Variants in KCNIP4 observed in about 807,000 individuals in gnomAD.
KCNIP4 encodes the protein potassium voltage-gated channel interacting protein 4, also known as Kv channel-interacting protein 4.
In KCNIP4, 12 loss-of-function variants were observed where a neutral mutation model predicts 34.0. The ratio of observed to expected loss-of-function variants is 0.35; its 90% CI spans 0.23 to 0.57. The LOEUF (loss-of-function observed/expected upper bound fraction) is 0.57. Among genes scored for constraint, KCNIP4 ranks in the 20% least tolerant of loss-of-function variants. The probability of loss-of-function intolerance (pLI) is 0.83; values close to 1 mark genes in which losing one functional copy is unlikely to be tolerated. For missense variants in KCNIP4, 238 were observed against 311.7 expected (o/e 0.76, Z 1.78); for synonymous variants, 124 against 102.2 (o/e 1.21, Z -1.29).
chr4:21,354,202 T>C (rs1389864206), intron 1 of KCNIP4, among the ~76,000 whole-genome samples: 1 of 152,010 alleles, frequency 6.6e-6, no homozygotes, highest in East Asian at 1.9e-4. Context: ...ACATGCCAAA[T>C]TGTAAAGACC....
At chr4:21,031,405 A>C (rs956821148) in intron 1 of KCNIP4, among the ~76,000 whole-genome samples, 1 of 152,194 alleles carries the variant, frequency 6.6e-6, no homozygotes, top group African/African-American at 2.4e-5. Context: ...AATCACAGTG[A>C]GTGGCAAAAC....
chr4:21,621,219 A>C (rs950743850), intron 1 of KCNIP4, among the ~76,000 whole-genome samples: 1 of 152,190 alleles, frequency 6.6e-6, no homozygotes, highest in Non-Finnish European at 1.5e-5. Flanking sequence ...GTCAAATAGT[A>C]TATGTTCACA....
intron 1 of KCNIP4, among the ~76,000 whole-genome samples, chr4:21,100,709 C>G (rs1747857675): frequency 6.6e-6 from 1 of 152,024 alleles, no homozygotes; most frequent in African/African-American, 2.4e-5. Context: ...ATTTTTTTGG[C>G]AATCAAGTAT....
chr4:20,741,922 T>A (rs1018860862), intron 5 of KCNIP4, among the ~76,000 whole-genome samples: 9 of 152,106 alleles, frequency 5.9e-5, no homozygotes, highest in Non-Finnish European at 1.2e-4. Context: ...CAAACTACCA[T>A]CAGAGAATAC....
intron 1 of KCNIP4, among the ~76,000 whole-genome samples, chr4:21,657,946 T>C (rs765980928): frequency 6.6e-6 from 1 of 151,962 alleles, no homozygotes; most frequent in Non-Finnish European, 1.5e-5. Context: ...TTCAAGCAAT[T>C]CTCCTGCCTC....
At chr4:21,355,276 G>A (rs181224445) in intron 1 of KCNIP4, among the ~76,000 whole-genome samples, 1 of 152,184 alleles carries the variant, frequency 6.6e-6, no homozygotes, top group Non-Finnish European at 1.5e-5. Context: ...TCAAAAGCTA[G>A]CAGAAGGCAA....
chr4:21,735,172 C>A (rs1422691797), intron 1 of KCNIP4, among the ~76,000 whole-genome samples: 2 of 151,638 alleles, frequency 1.3e-5, no homozygotes, highest in Non-Finnish European at 2.9e-5. Context: ...TTGATAAGAG[C>A]CATAATGGGG....
intron 1 of KCNIP4, among the ~76,000 whole-genome samples, chr4:21,567,036 T>G (rs1440668340): frequency 1.3e-5 from 2 of 152,106 alleles, no homozygotes; most frequent in Non-Finnish European, 2.9e-5. Flanking sequence ...AACTGTTATT[T>G]CCTATTATAT....
rs189555134 is a variant in KCNIP4 at position 21,776,592 on chromosome 4, T to C, written c.61+171979A>G. Among the ~76,000 whole-genome samples, 121 of 152,272 alleles carry C rather than the reference T, an allele frequency of 7.9e-4. 1 individual carries two copies. In the South Asian group the frequency reaches 9.3e-3, roughly 12 times the overall value. ...TGTAAAATAAGGGAACTTGAGTTAA[T>C]GATCTCAAAGATGTTGATATGGTTA... On this transcript the variant is annotated intron_variant, in intron 1 of 8. Coordinates refer to ENST00000382152, the MANE Select transcript of KCNIP4 (RefSeq NM_025221.6).
chr4:21,600,078 T>G (rs1441855311), intron 1 of KCNIP4, among the ~76,000 whole-genome samples: 2 of 152,110 alleles, frequency 1.3e-5, no homozygotes, highest in Non-Finnish European at 2.9e-5. Flanking sequence ...TGCTTCTTTC[T>G]TCATTCCCTT....
intron 1 of KCNIP4, among the ~76,000 whole-genome samples, chr4:21,925,473 C>T (rs893506241): frequency 3.3e-5 from 5 of 152,090 alleles, no homozygotes; most frequent in African/African-American, 1.2e-4. Context: ...TTTCTTAATC[C>T]AGTCTATCGT....
chr4:21,059,600 T>A (rs1743737186), intron 1 of KCNIP4, among the ~76,000 whole-genome samples: 1 of 152,084 alleles, frequency 6.6e-6, no homozygotes, highest in African/African-American at 2.4e-5. Flanking sequence ...TAGGGCCTGA[T>A]TACTGATCTG....
chr4:21,103,123 G>C (rs1176098360), intron 1 of KCNIP4, among the ~76,000 whole-genome samples: 1 of 151,780 alleles, frequency 6.6e-6, no homozygotes, highest in Non-Finnish European at 1.5e-5. Flanking sequence ...ATGGGGAACA[G>C]AACCCTGATT....
chr4:21,178,672 T>C (rs1051031640), intron 1 of KCNIP4, among the ~76,000 whole-genome samples: 2 of 152,066 alleles, frequency 1.3e-5, no homozygotes, highest in Non-Finnish European at 2.9e-5. Context: ...CAAAACTGCC[T>C]ATTCTAAGTG....
intron 1 of KCNIP4, among the ~76,000 whole-genome samples, chr4:20,935,840 C>A (rs932538761): frequency 6.6e-6 from 1 of 151,700 alleles, no homozygotes; most frequent in South Asian, 2.1e-4. Flanking sequence ...TTCCTCAAAC[C>A]AGCTATACTC....
Position 21,519,787 on chromosome 4 carries a change from G to GTA in KCNIP4, c.61+428783_61+428784insTA, listed in dbSNP as rs201121148. Among the ~76,000 whole-genome samples the GTA allele has an allele frequency of 1.5e-3, 193 of 128,880 alleles. 1 individual carries two copies. The highest frequency in any genetic ancestry group is 4.3e-3 in the South Asian group (16 of 3,738). The allele number at this position is 128,880 out of a possible 152,430, so 84.6% of individuals were successfully genotyped here. ...TGTGTGTATACACACGTGTGTGTAT[G>GTA]TGTGTGTATACACGTGTGTGTATGT... On this transcript the variant is annotated intron_variant, in intron 1 of 8. Coordinates refer to ENST00000382152, the MANE Select transcript of KCNIP4 (RefSeq NM_025221.6).
intron 1 of KCNIP4, among the ~76,000 whole-genome samples, chr4:21,798,318 G>A (rs761599696): frequency 3.3e-5 from 5 of 150,732 alleles, no homozygotes; most frequent in Admixed American, 1.3e-4. Context: ...TTAGGAGGCC[G>A]AGGTGGGAAG....
intron 1 of KCNIP4, among the ~76,000 whole-genome samples, chr4:21,755,597 C>G (rs1577944843): frequency 6.6e-6 from 1 of 152,062 alleles, no homozygotes; most frequent in South Asian, 2.1e-4. Flanking sequence ...ATCAATTGAT[C>G]AGGCTGTGGA....
intron 1 of KCNIP4, among the ~76,000 whole-genome samples, chr4:21,649,675 T>C (rs1747319420): frequency 1.3e-5 from 2 of 152,224 alleles, no homozygotes; most frequent in Admixed American, 1.3e-4. Context: ...CGGCTCCTTT[T>C]GCAAATGCCT....
Sources: allele counts gnomAD v4.1 joint callset (sites outside exome capture counted in the v4.1 genomes callset), GRCh38; gene constraint gnomAD v4.1.1; transcripts MANE v1.5; gene names NCBI Gene and HGNC (gene_info 2026-07-23, HGNC 2026-07-21).